The following CCSER1 variants were observed in gnomAD, a reference collection of about 807,000 sequenced individuals.
The protein encoded by CCSER1 is serine-rich coiled-coil domain-containing protein 1.
A neutral mutation model predicts 82.0 loss-of-function variants in CCSER1; 41 were observed. The observed-to-expected ratio is 0.50, with a 90% CI of 0.39 to 0.65. CCSER1 has a LOEUF of 0.65. Ranked by LOEUF, CCSER1 falls within the 30% of genes least tolerant of loss-of-function variation. The pLI, the probability that CCSER1 is intolerant of heterozygous loss-of-function variation, is 0.00. For missense variants in CCSER1, 1,119 were observed against 1,064.2 expected (o/e 1.05, Z -0.72); for synonymous variants, 414 against 383.9 (o/e 1.08, Z -0.92).
At chr4:91,028,060 TTAGAG>T (rs757896666) in intron 9 of CCSER1, among the ~76,000 whole-genome samples, 5 of 152,010 alleles carry the variant, frequency 3.3e-5, no homozygotes, top group African/African-American at 1.2e-4. Flanking sequence ...TAATGATGTA[TTAGAG>T]TAAACTTTAT....
At chr4:90,385,460 GTT>G (rs199523272) in intron 3 of CCSER1, among the ~76,000 whole-genome samples, 2 of 134,898 alleles carry the variant, frequency 1.5e-5, no homozygotes, top group African/African-American at 2.8e-5. Context: ...TCTCGGTGTA[GTT>G]TTTTTTTTTT....
At chr4:90,452,699 G>A (rs981815061) in intron 4 of CCSER1, among the ~76,000 whole-genome samples, 3 of 152,172 alleles carry the variant, frequency 2.0e-5, no homozygotes, top group African/African-American at 7.2e-5. Context: ...GTTTTAATAG[G>A]TCAAAGGCCC....
intron 10 of CCSER1, among the ~76,000 whole-genome samples, chr4:91,539,217 T>C (rs28706529): frequency 0.043 from 6,487 of 152,188 alleles, 290 homozygotes; most frequent in African/African-American, 0.11. Flanking sequence ...CTTTTCCTTA[T>C]ATATTGTGTG....
intron 4 of CCSER1, among the ~76,000 whole-genome samples, chr4:90,401,743 G>T (rs1007119144): frequency 1.1e-4 from 16 of 152,232 alleles, no homozygotes; most frequent in African/African-American, 3.6e-4. Flanking sequence ...TGCCCAGGCT[G>T]GTCTTGAACT....
At chr4:91,566,437 T>G (rs1762887145) in intron 10 of CCSER1, among the ~76,000 whole-genome samples, 1 of 152,068 alleles carries the variant, frequency 6.6e-6, no homozygotes, top group African/African-American at 2.4e-5. Context: ...CCTCCTCAAT[T>G]TTTTGGAATA....
At chr4:91,113,364 C>T (rs369518633) in intron 10 of CCSER1, among the ~76,000 whole-genome samples, 2 of 152,176 alleles carry the variant, frequency 1.3e-5, no homozygotes, top group East Asian at 3.8e-4. Context: ...AACAACTAAC[C>T]TTTACTGAGG....
intron 10 of CCSER1, among the ~76,000 whole-genome samples, chr4:91,386,016 A>T (rs1437467106): frequency 6.6e-6 from 1 of 152,010 alleles, no homozygotes; most frequent in South Asian, 2.1e-4. Flanking sequence ...ACACAAATGC[A>T]TACATATATG....
At chr4:90,888,493 AC>A (rs1722483294) in intron 8 of CCSER1, among the ~76,000 whole-genome samples, 1 of 152,168 alleles carries the variant, frequency 6.6e-6, no homozygotes, top group Admixed American at 6.5e-5. Context: ...GCCCTGACTT[AC>A]AGTTTTGTTT....
chr4:91,142,193 G>A (rs1729101594), intron 10 of CCSER1, among the ~76,000 whole-genome samples: 1 of 152,082 alleles, frequency 6.6e-6, no homozygotes, highest in African/African-American at 2.4e-5. Flanking sequence ...TACTGTTCTT[G>A]TGGTAGTGAA....
In CCSER1 at chr4:90,309,588, A is replaced by G. The variant is rs776100751; in HGVS notation, c.1304A>G (p.Tyr435Cys). 4 of 1,589,780 alleles carry G rather than the reference A, an allele frequency of 2.5e-6. No individual in the cohort carries two copies. In the South Asian group the frequency reaches 3.5e-5, roughly 14 times the overall value. The change falls in exon 2 of 11, where the codon TAT becomes TGT. Residue 435 changes from tyrosine to cysteine, a missense_variant. By Grantham distance (194) the Tyr-to-Cys change is radical. Coordinates refer to ENST00000509176, the MANE Select transcript of CCSER1 (RefSeq NM_001145065.2). ...ATTTTTAACAAAACATCACATGGAT[A>G]TGAAGCAAATCCTGCCAAAGGTATG... is the stretch of plus-strand genomic sequence containing the variant. ...HHIFNKTSHG[Y>C]EANPAKVLAS...
In CCSER1 at chr4:90,788,847, T is replaced by G. The variant is rs568382165; in HGVS notation, c.2011-26915T>G. On this transcript the variant is annotated intron_variant, in intron 7 of 10. Transcript: ENST00000509176. ...ATAAAAGATTAGTTTATTTCCTTGG[T>G]TTACAGATAGTTCTCTGCCTAGTTA... Among the ~76,000 whole-genome samples the G allele has an allele frequency of 5.3e-5, 8 of 152,278 alleles. No homozygotes were observed. In the South Asian group the frequency reaches 1.7e-3, roughly 32 times the overall value.
At chr4:91,463,648 G>A (rs1007525268) in intron 10 of CCSER1, among the ~76,000 whole-genome samples, 1 of 152,134 alleles carries the variant, frequency 6.6e-6, no homozygotes, top group Non-Finnish European at 1.5e-5. Flanking sequence ...CCAGTGTAGA[G>A]AAGTCCTTAA....
chr4:90,564,133 A>AT (rs144289548), intron 5 of CCSER1, among the ~76,000 whole-genome samples: 16,101 of 151,968 alleles, frequency 0.11, 2,454 homozygotes, highest in African/African-American at 0.34. Flanking sequence ...TTTGTAATTT[A>AT]TTTTTTATTA....
chr4:90,888,154 A>G (rs941811830), intron 8 of CCSER1, among the ~76,000 whole-genome samples: 8 of 152,174 alleles, frequency 5.3e-5, no homozygotes, highest in African/African-American at 1.7e-4. Context: ...TATTTTCTTT[A>G]TTATCTTGAA....
At chr4:91,309,679 G>A (rs1419964731) in intron 10 of CCSER1, among the ~76,000 whole-genome samples, 2 of 151,920 alleles carry the variant, frequency 1.3e-5, no homozygotes, top group African/African-American at 4.8e-5. Flanking sequence ...CAAGGCACTC[G>A]TAGATAGCAA....
At chr4:91,050,057 CAGTT>C (rs769940676) in intron 9 of CCSER1, among the ~76,000 whole-genome samples, 50 of 152,246 alleles carry the variant, frequency 3.3e-4, no homozygotes, top group Non-Finnish European at 5.9e-4. Context: ...TTTTCACAAT[CAGTT>C]AGAGTATTTC....
rs28736412 is a variant in CCSER1, at chr4:90,444,105, T to C, written c.1604-24129T>C. On this transcript the variant is annotated intron_variant, in intron 4 of 10. Coordinates refer to ENST00000509176, the MANE Select transcript of CCSER1 (RefSeq NM_001145065.2). The stretch of plus-strand genomic sequence containing the variant: ...ACTATAAAGTTATTAACAGAGAAAA[T>C]ACTCAATTGCTTCCTAGAATGTGTG... Among the ~76,000 whole-genome samples the C allele has an allele frequency of 7.9e-3, 1,209 of 152,080 alleles. 14 individuals carry two copies. The highest frequency in any genetic ancestry group is 0.028 in the African/African-American group (1,162 of 41,536).
At chr4:91,049,143 T>C (rs574636228) in intron 9 of CCSER1, among the ~76,000 whole-genome samples, 1 of 152,300 alleles carries the variant, frequency 6.6e-6, no homozygotes, top group Non-Finnish European at 1.5e-5. Flanking sequence ...TTTAATAAAC[T>C]TTTAAATGAG....
At chr4:91,375,111 C>A (rs1377530722) in intron 10 of CCSER1, among the ~76,000 whole-genome samples, 4 of 152,136 alleles carry the variant, frequency 2.6e-5, no homozygotes, top group Non-Finnish European at 5.9e-5. Context: ...TTCTAGATGT[C>A]ACTAAGAACA....
Sources: gnomAD v4.1 joint callset for allele counts (sites outside exome capture counted in the v4.1 genomes callset) on GRCh38, gnomAD v4.1.1 for gene constraint, MANE v1.5 for transcripts, NCBI Gene and HGNC (gene_info 2026-07-23, HGNC 2026-07-21) for gene names.